Variants in GPR158 observed in about 807,000 individuals in gnomAD.
GPR158 encodes the protein metabotropic glycine receptor.
GPR158 carries 30 observed loss-of-function variants against 78.2 expected under a neutral mutation model. That is an observed-to-expected ratio of 0.38 (90% CI 0.29 to 0.52). The LOEUF (loss-of-function observed/expected upper bound fraction) is 0.52. GPR158 is among the 20% of genes least tolerant of loss of function. GPR158 has a pLI of 0.83. For synonymous variants in GPR158, 581 were observed against 591.1 expected (o/e 0.98, Z 0.25); for missense variants, 1,463 against 1,523.5 (o/e 0.96, Z 0.66).
intron 2 of GPR158, among the ~76,000 whole-genome samples, chr10:25,356,117 G>A (rs368168396): frequency 1.3e-5 from 2 of 152,032 alleles, no homozygotes; most frequent in African/African-American, 4.8e-5. Context: ...TTCCAGTGTA[G>A]AAACTACAAA....
At chr10:25,592,178 T>G (rs554386324) in intron 8 of GPR158, among the ~76,000 whole-genome samples, 16 of 152,100 alleles carry the variant, frequency 1.1e-4, no homozygotes, top group Admixed American at 5.2e-4. Flanking sequence ...AAAAATTATG[T>G]CTATGTATGT....
intron 2 of GPR158, among the ~76,000 whole-genome samples, chr10:25,273,274 C>T (rs1223580787): frequency 6.6e-6 from 1 of 152,024 alleles, no homozygotes; most frequent in African/African-American, 2.4e-5. Context: ...AGAAGAGTGA[C>T]ATGTTAGATT....
intron 9 of GPR158, among the ~76,000 whole-genome samples, 192 bp downstream of exon 9, chr10:25,594,589 G>T (rs1588928316): frequency 6.6e-6 from 1 of 151,844 alleles, no homozygotes; most frequent in African/African-American, 2.4e-5. Context: ...AAATGCCTTT[G>T]TTTGTACAAA....
intron 1 of GPR158, among the ~76,000 whole-genome samples, chr10:25,180,529 G>C (rs564370631): frequency 6.6e-6 from 1 of 152,148 alleles, no homozygotes; most frequent in Non-Finnish European, 1.5e-5. Context: ...GCCCAAACCA[G>C]TGATATACAC....
At chr10:25,358,217 G>A (rs1387797140) in intron 2 of GPR158, among the ~76,000 whole-genome samples, 1 of 151,940 alleles carries the variant, frequency 6.6e-6, no homozygotes, top group Non-Finnish European at 1.5e-5. Context: ...CAGGCTCATA[G>A]GTGGAAGGGA....
intron 5 of GPR158, among the ~76,000 whole-genome samples, chr10:25,540,970 AT>A (rs756821864): frequency 0.24 from 30,318 of 125,328 alleles, 3,662 homozygotes; most frequent in South Asian, 0.29. Context: ...ATATATATAT[AT>A]ATATATAAAG....
At chr10:25,525,444 A>G (rs1390472457) in intron 5 of GPR158, among the ~76,000 whole-genome samples, 1 of 152,230 alleles carries the variant, frequency 6.6e-6, no homozygotes, top group Non-Finnish European at 1.5e-5. Context: ...TATTATTAAT[A>G]AAAAGGAAAG....
At chr10:25,245,713 A>G (rs897737961) in intron 2 of GPR158, among the ~76,000 whole-genome samples, 1 of 152,212 alleles carries the variant, frequency 6.6e-6, no homozygotes, top group Non-Finnish European at 1.5e-5. Flanking sequence ...TAATCTCAAC[A>G]TAGAGTAACT....
intron 2 of GPR158, among the ~76,000 whole-genome samples, chr10:25,275,578 G>A (rs1177146553): frequency 2.0e-5 from 3 of 152,166 alleles, no homozygotes. Flanking sequence ...AAATTGAGAA[G>A]TGGGTGCTTG....
At position 25,572,883 on chromosome 10, in the gene GPR158, A is replaced by C; in HGVS notation, c.1749A>C (p.Ala583=). The change falls in exon 7 of 11, where the codon GCA becomes GCC. Residue 583 remains alanine, a synonymous_variant. Coordinates refer to ENST00000376351, the MANE Select transcript of GPR158 (RefSeq NM_020752.3). ...TTGACCGCTGGGACTACATGACAGC[A>C]GTTGGTATGTGGTCACTTGTTTCGT... ...CLIDRWDYMT[A]VAEFLFLLWG... The C allele has an allele frequency of 6.5e-7, 1 of 1,548,394 alleles. No homozygotes were observed. The highest frequency in any genetic ancestry group is 8.9e-7 in the Non-Finnish European group (1 of 1,120,074).
intron 4 of GPR158, among the ~76,000 whole-genome samples, chr10:25,445,752 G>A (rs1490713656): frequency 6.6e-6 from 1 of 151,778 alleles, no homozygotes; most frequent in Non-Finnish European, 1.5e-5. Context: ...GAGGAGAGAG[G>A]GGGAGAGAGA....
rs192207717 is a variant in GPR158 at position 25,293,089 on chromosome 10, T to C, written c.1008+71932T>C. Among the ~76,000 whole-genome samples, 22 of 152,338 alleles carry C rather than the reference T, an allele frequency of 1.4e-4. No individual in the cohort carries two copies. In the East Asian group the frequency reaches 4.1e-3, roughly 28 times the overall value. ...CTTCTACTGTCCCTGACCAAGTACA[T>C]TGATCTCTAAATGAAGCTTTGAGAT... On this transcript the variant is annotated intron_variant, in intron 2 of 10. Transcript: ENST00000376351.
intron 4 of GPR158, among the ~76,000 whole-genome samples, chr10:25,429,389 A>G (rs1331330228): frequency 6.6e-6 from 1 of 152,158 alleles, no homozygotes; most frequent in African/African-American, 2.4e-5. Context: ...ACCTCCATGT[A>G]TTTTGTCAAA....
At chr10:25,317,105 C>T (rs898015544) in intron 2 of GPR158, among the ~76,000 whole-genome samples, 1 of 150,564 alleles carries the variant, frequency 6.6e-6, no homozygotes, top group Admixed American at 6.6e-5. Flanking sequence ...GTGCAGTTGG[C>T]GTGATCTTGG....
intron 5 of GPR158, among the ~76,000 whole-genome samples, chr10:25,536,236 ATTTC>A (rs1006298168): frequency 7.2e-5 from 11 of 152,106 alleles, no homozygotes; most frequent in Admixed American, 1.3e-4. Context: ...AAAGATATTA[ATTTC>A]TTTATTAAAG....
At chr10:25,540,079 A>T (rs952783207) in intron 5 of GPR158, among the ~76,000 whole-genome samples, 26 of 152,166 alleles carry the variant, frequency 1.7e-4, no homozygotes, top group Admixed American at 4.6e-4. Context: ...GAATCTACAA[A>T]GAACTCAAAC....
chr10:25,476,473 A>G (rs1279355282), intron 5 of GPR158, among the ~76,000 whole-genome samples: 1 of 150,776 alleles, frequency 6.6e-6, no homozygotes, highest in African/African-American at 2.4e-5. Flanking sequence ...ATGCATATGT[A>G]AGTAATACTT....
At chr10:25,319,828 C>CA (rs1029158166) in intron 2 of GPR158, among the ~76,000 whole-genome samples, 1 of 144,640 alleles carries the variant, frequency 6.9e-6, no homozygotes. Flanking sequence ...CCCCACCCCC[C>CA]CCAAAAAAAA....
chr10:25,326,567 T>C (rs1466120016), intron 2 of GPR158, among the ~76,000 whole-genome samples: 2 of 152,114 alleles, frequency 1.3e-5, no homozygotes, highest in African/African-American at 4.8e-5. Flanking sequence ...CTTGAACTCA[T>C]AGAAGCAGAG....
Sources: gnomAD v4.1 joint callset for allele counts (sites outside exome capture counted in the v4.1 genomes callset) on GRCh38, gnomAD v4.1.1 for gene constraint, MANE v1.5 for transcripts, NCBI Gene and HGNC (gene_info 2026-07-23, HGNC 2026-07-21) for gene names.